The following CSMD1 variants were observed in gnomAD, a reference collection of about 807,000 sequenced individuals.
CSMD1 encodes CUB and Sushi multiple domains 1, also known as CUB and sushi domain-containing protein 1.
CSMD1 carries 213 observed loss-of-function variants against 417.5 expected under a neutral mutation model. The ratio of observed to expected loss-of-function variants is 0.51; its 90% CI spans 0.46 to 0.57. The LOEUF is 0.57. CSMD1 is among the 20% of genes least tolerant of loss of function. CSMD1 has a pLI of 0.00. For missense variants in CSMD1, 6,923 were observed against 4,529.7 expected (o/e 1.53, Z -15.17); for synonymous variants, 2,862 against 1,736.8 (o/e 1.65, Z -16.11).
intron 1 of CSMD1, among the ~76,000 whole-genome samples, chr8:4,822,853 G>A (rs182496431): frequency 1.2e-3 from 190 of 152,076 alleles, no homozygotes; most frequent in Middle Eastern, 0.01. Context: ...AATTTTCTCC[G>A]TCAGATTGTC....
intron 3 of CSMD1, among the ~76,000 whole-genome samples, chr8:4,140,081 A>T (rs1803689178): frequency 6.6e-6 from 1 of 151,060 alleles, no homozygotes; most frequent in South Asian, 2.1e-4. Flanking sequence ...AGCCAGGTAC[A>T]GTTACTCATG....
At chr8:4,269,965 G>T (rs1269121903) in intron 3 of CSMD1, among the ~76,000 whole-genome samples, 1 of 152,286 alleles carries the variant, frequency 6.6e-6, no homozygotes, top group East Asian at 1.9e-4. Context: ...CCTCTCTGAG[G>T]CACAGCAAAA....
chr8:3,419,716 T>C (rs1269211746), intron 12 of CSMD1, among the ~76,000 whole-genome samples: 3 of 152,140 alleles, frequency 2.0e-5, no homozygotes, highest in Non-Finnish European at 2.9e-5. Flanking sequence ...TCTAATCAAA[T>C]ACCAAATAGC....
At chr8:4,618,892 G>C (rs1043915188) in intron 2 of CSMD1, among the ~76,000 whole-genome samples, 1 of 152,270 alleles carries the variant, frequency 6.6e-6, no homozygotes, top group Non-Finnish European at 1.5e-5. Flanking sequence ...AGAATAGACA[G>C]AGTGGGCTCT....
intron 5 of CSMD1, among the ~76,000 whole-genome samples, chr8:3,783,959 C>A (rs918868351): frequency 6.6e-6 from 1 of 152,174 alleles, no homozygotes; most frequent in Non-Finnish European, 1.5e-5. Flanking sequence ...CTATTACCTG[C>A]CCTTGGGCAA....
At chr8:3,881,617 A>AAAAAC (rs1563173262) in intron 5 of CSMD1, among the ~76,000 whole-genome samples, 2 of 144,244 alleles carry the variant, frequency 1.4e-5, no homozygotes, top group African/African-American at 5.5e-5. Context: ...TCAAAAAAAA[A>AAAAAC]AAAAACAAAA....
intron 10 of CSMD1, among the ~76,000 whole-genome samples, chr8:3,554,847 G>C (rs1185251073): frequency 6.6e-6 from 1 of 152,128 alleles, no homozygotes; most frequent in Non-Finnish European, 1.5e-5. Flanking sequence ...AGTGCTGTGT[G>C]AACAGCCAGC....
chr8:3,915,211 G>A (rs935468517), intron 5 of CSMD1, among the ~76,000 whole-genome samples: 1 of 151,976 alleles, frequency 6.6e-6, no homozygotes, highest in Non-Finnish European at 1.5e-5. Flanking sequence ...TTCGAGACCA[G>A]CCTGGCCAAC....
intron 5 of CSMD1, among the ~76,000 whole-genome samples, chr8:3,939,591 C>A (rs1002304765): frequency 6.6e-6 from 1 of 152,090 alleles, no homozygotes; most frequent in African/African-American, 2.4e-5. Context: ...GCACAATTCA[C>A]AACTCTAATA....
At chr8:4,664,063 G>C (rs1031618501) in intron 1 of CSMD1, among the ~76,000 whole-genome samples, 3 of 152,158 alleles carry the variant, frequency 2.0e-5, no homozygotes, top group Non-Finnish European at 2.9e-5. Context: ...TCTGTGAACT[G>C]TGTGGGTTCT....
At chr8:3,308,816 C>T (rs532675138) in intron 23 of CSMD1, among the ~76,000 whole-genome samples, 3 of 150,256 alleles carry the variant, frequency 2.0e-5, no homozygotes, top group African/African-American at 7.4e-5. Flanking sequence ...CTCCACCTCC[C>T]AGGTTCAAGT....
At chr8:4,491,242 G>A (rs952591049) in intron 2 of CSMD1, among the ~76,000 whole-genome samples, 1 of 152,088 alleles carries the variant, frequency 6.6e-6, no homozygotes, top group Non-Finnish European at 1.5e-5. Context: ...CTAAAAAGAA[G>A]AAAGAAATGA....
In CSMD1 at chr8:4,930,866, G is replaced by T. The variant is rs143570719; in HGVS notation, c.85+63466C>A. Among the ~76,000 whole-genome samples, 634 of 152,182 alleles carry T rather than the reference G, an allele frequency of 4.2e-3. 4 individuals are homozygous for T. The highest frequency in any genetic ancestry group is 0.013 in the African/African-American group (544 of 41,526). On this transcript the variant is annotated intron_variant, in intron 1 of 69. Transcript: ENST00000635120. ...GATAGATCTTAATTTCTTAATAAAG[G>T]GTTCCCAGAATTACTGTATGTCTAG...
chr8:4,596,747 C>T (rs1052766876), intron 2 of CSMD1, among the ~76,000 whole-genome samples: 1 of 152,190 alleles, frequency 6.6e-6, no homozygotes, highest in Non-Finnish European at 1.5e-5. Context: ...ACGAAATACA[C>T]ACATGATATG....
At chr8:3,998,393 T>G (rs1055938948) in intron 4 of CSMD1, among the ~76,000 whole-genome samples, 1 of 152,188 alleles carries the variant, frequency 6.6e-6, no homozygotes, top group Non-Finnish European at 1.5e-5. Context: ...GTACCTGACA[T>G]TGATAGGCAG....
In CSMD1 at chr8:4,170,726, T is replaced by G. The variant is rs974045643; in HGVS notation, c.416-138627A>C. 1.1e-4 allele frequency among the ~76,000 whole-genome samples: 16 copies of G among 151,904 alleles called. 1 individual carries two copies. Among genetic ancestry groups the G allele is most frequent in the African/African-American group, 3.9e-4 (16 of 41,168 alleles). On this transcript the variant is annotated intron_variant, in intron 3 of 69. Transcript: ENST00000635120. ...TGATATAGCTAGCATGTGGATTTTTTTTTTTCTAAATTAATACTGTTTAGA... is the reference window on the plus strand; with the variant it reads ...TGATATAGCTAGCATGTGGATTTTTGTTTTTCTAAATTAATACTGTTTAGA...
At chr8:3,434,689 C>G (rs938430655) in intron 12 of CSMD1, among the ~76,000 whole-genome samples, 3 of 152,126 alleles carry the variant, frequency 2.0e-5, no homozygotes, top group African/African-American at 7.2e-5. Context: ...CCCCTCATTC[C>G]TGCCCCATAG....
chr8:2,945,556 A>G (rs920063151), intron 68 of CSMD1, among the ~76,000 whole-genome samples: 1 of 152,230 alleles, frequency 6.6e-6, no homozygotes, highest in Non-Finnish European at 1.5e-5. Context: ...GAGAAACAGA[A>G]TTTGTACCTT....
intron 40 of CSMD1, among the ~76,000 whole-genome samples, chr8:3,147,991 T>C (rs1256408445): frequency 2.6e-5 from 4 of 152,194 alleles, no homozygotes; most frequent in African/African-American, 7.2e-5. Flanking sequence ...CCTAACAGCA[T>C]TATCCTGGTA....
Sources: allele counts gnomAD v4.1 joint callset (sites outside exome capture counted in the v4.1 genomes callset), GRCh38; gene constraint gnomAD v4.1.1; transcripts MANE v1.5; gene names NCBI Gene and HGNC (gene_info 2026-07-23, HGNC 2026-07-21).